The following FADS3 variants were observed in gnomAD, a reference collection of about 807,000 sequenced individuals.
FADS3 encodes cytochrome b5-related protein.
A neutral mutation model predicts 60.4 loss-of-function variants in FADS3; 30 were observed. The observed-to-expected ratio is 0.50, with a 90% CI of 0.37 to 0.67. FADS3 has a LOEUF of 0.67. FADS3 is among the 30% of genes least tolerant of loss of function. The probability of loss-of-function intolerance (pLI) is 0.00; values close to 1 mark genes in which losing one functional copy is unlikely to be tolerated. For synonymous variants in FADS3, 234 were observed against 249.3 expected (o/e 0.94, Z 0.58); for missense variants, 432 against 598.3 (o/e 0.72, Z 2.90).
At chr11:61,884,988 C>A (rs995108512) in intron 1 of FADS3, among the ~76,000 whole-genome samples, 5 of 152,138 alleles carry the variant, frequency 3.3e-5, no homozygotes, top group African/African-American at 1.2e-4. Context: ...GCCCCCAAAG[C>A]AGGGGCACGA....
chr11:61,890,886 C>G (rs1003049959), intron 1 of FADS3, among the ~76,000 whole-genome samples: 1 of 152,224 alleles, frequency 6.6e-6, no homozygotes, highest in Non-Finnish European at 1.5e-5. Context: ...CAGCCCCTCA[C>G]CCAGGGCAGG....
Position 61,877,845 on chromosome 11 carries a change from C to T in FADS3, c.809-258G>A, listed in dbSNP as rs1937966273. 1.8e-5 allele frequency: 11 copies of T among 594,860 alleles called. No homozygotes were observed. The East Asian group carries it at 3.1e-4, about 17-fold the overall frequency. The allele number at this position is 594,860 out of a possible 1,614,324, so 36.8% of individuals were successfully genotyped here. A position where few individuals can be genotyped will look rare whatever the true frequency, so the allele number is the denominator to read the frequency against. The stretch of plus-strand genomic sequence containing the variant: ...TCACTCTGTCCGCCCCAACAACTGC[C>T]CAAAGACTCTAGGGCTCCGGACCAC... On this transcript the variant is annotated intron_variant, in intron 6 of 11. Transcript: ENST00000278829. This position sits in a 1 kb window ranked among gnomAD's most constrained non-coding sequence, Gnocchi z 4.7.
Position 61,873,804 on chromosome 11 carries a change from GGT to G in FADS3, c.*8_*9del. On this transcript the variant is annotated 3_prime_UTR_variant, in exon 12 of 12. Transcript: ENST00000278829. ...CCCTGAGCCCTTCTCTGCCCGCCTG[GGT>G]GTTGCCTTCACTGATGGAGGTAGGC... The G allele has an allele frequency of 6.2e-7, 1 of 1,609,886 alleles. No individual in the cohort carries two copies. The highest frequency in any genetic ancestry group is 1.7e-4 in the Middle Eastern group (1 of 5,740).
At chr11:61,879,934 T>G in intron 2 of FADS3, 107 bp downstream of exon 2, 2 of 888,346 alleles carry the variant, frequency 2.3e-6, no homozygotes, top group Non-Finnish European at 1.7e-6. Flanking sequence ...CTGCATCCCC[T>G]TGGGCGAATG....
chr11:61,876,863 T>C lies in FADS3; in HGVS notation c.983+3A>G, dbSNP rs1181825060. On this transcript the variant is annotated splice_donor_region_variant and intron_variant, in intron 8 of 11. Transcript: ENST00000278829. The surrounding 1 kb of genome is among the most constrained non-coding windows in gnomAD (Gnocchi z 5.7). ...TGTGTGACCTCGCCACTCCCTGCCATACCTGACAGCAACAAAGAAGAGCAG... is the reference window on the plus strand; with the variant it reads ...TGTGTGACCTCGCCACTCCCTGCCACACCTGACAGCAACAAAGAAGAGCAG... The C allele has an allele frequency of 1.2e-6, 2 of 1,606,092 alleles. No homozygotes were observed. The highest frequency in any genetic ancestry group is 1.7e-6 in the Non-Finnish European group (2 of 1,176,644).
intron 1 of FADS3, among the ~76,000 whole-genome samples, chr11:61,889,376 G>A (rs2136003032): frequency 6.6e-6 from 1 of 152,224 alleles, no homozygotes; most frequent in Middle Eastern, 3.4e-3. Context: ...TCCCAGCCGG[G>A]CGTGGTGGCT....
In FADS3 at chr11:61,878,229, C is replaced by T. The variant is rs377717074; in HGVS notation, c.748-14G>A. On this transcript the variant is annotated splice_polypyrimidine_tract_variant and intron_variant, in intron 5 of 11. Transcript: ENST00000278829. Reference sequence around the variant, plus strand: ...CTTCTTGCCATACTGTGGAGACAGGCGGCGGCTGGAGACAGCAGCTCTCCA... The same window carrying T: ...CTTCTTGCCATACTGTGGAGACAGGTGGCGGCTGGAGACAGCAGCTCTCCA... 5.5e-5 allele frequency: 88 copies of T among 1,613,826 alleles called. No homozygotes were observed. The highest frequency in any genetic ancestry group is 4.4e-4 in the African/African-American group (33 of 75,034).
In FADS3 at chr11:61,876,931, G is replaced by A; in HGVS notation, c.918C>T (p.Arg306=). 6.2e-7 allele frequency: 1 copy of A among 1,609,030 alleles called. No individual in the cohort carries two copies. The highest frequency in any genetic ancestry group is 8.5e-7 in the Non-Finnish European group (1 of 1,178,482). Residue 306 remains arginine (R), a synonymous_variant, in exon 8 of 12, where the codon CGC becomes CGT. Coordinates refer to ENST00000278829, the MANE Select transcript of FADS3 (RefSeq NM_021727.5). This position sits in a 1 kb window ranked among gnomAD's most constrained non-coding sequence, Gnocchi z 5.7. ...AGAAGGGGAGGTAGGATAAGAAGAA[G>A]CGGGCATAGAAGCTGGCGGCCCAGA... The part of the protein sequence containing the change: ...DLLWAASFYA[R]FFLSYLPFYG...
rs745632564 is a variant in FADS3, at chr11:61,876,643, G to C, written c.984-188C>G. On this transcript the variant is annotated intron_variant, in intron 8 of 11. Transcript: ENST00000278829. The surrounding 1 kb of genome is among the most constrained non-coding windows in gnomAD (Gnocchi z 5.7). Reference sequence around the variant, plus strand: ...AGTGTCCACTGTGAGGCTGAGTCCAGAGCAGCTCCGACACCCACCGGGCCA... The same window carrying C: ...AGTGTCCACTGTGAGGCTGAGTCCACAGCAGCTCCGACACCCACCGGGCCA... The C allele has an allele frequency of 1.2e-5, 8 of 660,562 alleles. No individual in the cohort carries two copies. The highest frequency in any genetic ancestry group is 4.6e-5 in the Admixed American group (2 of 43,458). The allele number at this position is 660,562 out of a possible 1,614,324, so 40.9% of individuals were successfully genotyped here. A position where few individuals can be genotyped will look rare whatever the true frequency, so the allele number is the denominator to read the frequency against.
intron 1 of FADS3, chr11:61,886,107 C>A (rs984944440): frequency 6.6e-6 from 1 of 152,394 alleles, no homozygotes; most frequent in Non-Finnish European, 1.5e-5. Context: ...ACCCCTGTCC[C>A]CCAGCACCCC....
At position 61,878,636 on chromosome 11, in the gene FADS3, T is replaced by G; in HGVS notation, c.625-2A>C. The G allele has an allele frequency of 6.2e-7, 1 of 1,614,076 alleles. No individual in the cohort carries two copies. The highest frequency in any genetic ancestry group is 8.5e-7 in the Non-Finnish European group (1 of 1,179,958). On this transcript the variant is annotated splice_acceptor_variant, in intron 4 of 11. Transcript: ENST00000278829. LOFTEE classifies it high-confidence loss of function. Reference sequence around the variant, plus strand: ...GTTCCACCAGTGGGCGGAGAAGCCCTGTGGAGGAGGAGGGGGCTCTCAGGG... The same window carrying G: ...GTTCCACCAGTGGGCGGAGAAGCCCGGTGGAGGAGGAGGGGGCTCTCAGGG...
chr11:61,877,770 C>T lies in FADS3; in HGVS notation c.809-183G>A, dbSNP rs548786780. 3.3e-6 allele frequency: 2 copies of T among 613,142 alleles called. No individual in the cohort carries two copies. Among genetic ancestry groups the T allele is most frequent in the Admixed American group, 2.7e-5 (1 of 36,568 alleles). 38.0% of individuals were successfully genotyped at this position (613,142 alleles called of 1,614,324 possible). A position where few individuals can be genotyped will look rare whatever the true frequency, so the allele number is the denominator to read the frequency against. ...CAAGCCTCCCCAGGCTGCCCTTACCCCACCACCTCCCACCACCCTTCACCG... is the reference window on the plus strand; with the variant it reads ...CAAGCCTCCCCAGGCTGCCCTTACCTCACCACCTCCCACCACCCTTCACCG... On this transcript the variant is annotated intron_variant, in intron 6 of 11. Transcript: ENST00000278829. The surrounding 1 kb of genome is among the most constrained non-coding windows in gnomAD (Gnocchi z 4.7).
intron 1 of FADS3, chr11:61,890,134 TTC>T (rs1938451063): frequency 6.6e-6 from 1 of 152,072 alleles, no homozygotes; most frequent in Non-Finnish European, 1.5e-5. Flanking sequence ...TTTTTTTTTT[TTC>T]TTTTTTTAGA....
intron 1 of FADS3, among the ~76,000 whole-genome samples, chr11:61,886,864 C>T (rs964402397): frequency 4.6e-5 from 7 of 152,258 alleles, no homozygotes; most frequent in African/African-American, 1.7e-4. Flanking sequence ...TGGCCACTCC[C>T]TCCTCCAGCT....
intron 1 of FADS3, 193 bp from the exon 2 acceptor site, chr11:61,880,344 T>C: frequency 2.0e-6 from 1 of 488,772 alleles, no homozygotes; most frequent in Admixed American, 3.4e-5. Context: ...GTTGTCCTGC[T>C]TTTCACCCAT....
intron 1 of FADS3, among the ~76,000 whole-genome samples, chr11:61,888,900 TG>T (rs1244191786): frequency 6.7e-6 from 1 of 150,108 alleles, no homozygotes; most frequent in African/African-American, 2.5e-5. Context: ...AGATGTTTTT[TG>T]TTTGTTTGTT....
rs1423191232 is a variant in FADS3, at chr11:61,891,463, G to GCGCCGCCTC, written c.-91_-83dup. On this transcript the variant is annotated 5_prime_UTR_variant, in exon 1 of 12. Transcript: ENST00000278829. ...CGAGGGAAGCGAAGAGCGCTCCCGG[G>GCGCCGCCTC]CGCCGCCTCCGCCGCCGCCCGCTGC... 5 of 1,055,904 alleles carry GCGCCGCCTC rather than the reference G, an allele frequency of 4.7e-6. No homozygotes were observed. The highest frequency in any genetic ancestry group is 6.1e-6 in the Non-Finnish European group (5 of 819,946). 65.4% of individuals were successfully genotyped at this position (1,055,904 alleles called of 1,614,324 possible). A position where few individuals can be genotyped will look rare whatever the true frequency, so the allele number is the denominator to read the frequency against.
intron 11 of FADS3, among the ~76,000 whole-genome samples, chr11:61,874,884 T>C (rs955958135): frequency 3.3e-5 from 5 of 151,648 alleles, no homozygotes; most frequent in Non-Finnish European, 7.4e-5. Flanking sequence ...TTCTGTAATG[T>C]ACTTATTTGT....
intron 1 of FADS3, among the ~76,000 whole-genome samples, chr11:61,887,181 G>T (rs1938345989): frequency 1.3e-5 from 2 of 152,232 alleles, no homozygotes; most frequent in South Asian, 4.1e-4. Flanking sequence ...GAAGTGAAAG[G>T]ATGTGTCCAA....
Sources: allele counts gnomAD v4.1 joint callset (sites outside exome capture counted in the v4.1 genomes callset), GRCh38; gene constraint gnomAD v4.1.1; non-coding constraint Gnocchi (gnomAD v3.1); transcripts MANE v1.5; gene names NCBI Gene and HGNC (gene_info 2026-07-23, HGNC 2026-07-21).